DOK5: variants seen among roughly 807,000 people sequenced by gnomAD.
DOK5 encodes the protein downstream of tyrosine kinase 5.
A neutral mutation model predicts 43.3 loss-of-function variants in DOK5; 27 were observed. The observed-to-expected ratio is 0.62, with a 90% CI of 0.46 to 0.86. DOK5 has a LOEUF of 0.86. Ranked by LOEUF, DOK5 falls within the 40% of genes least tolerant of loss-of-function variation. The probability of loss-of-function intolerance (pLI) is 0.00; values close to 1 mark genes in which losing one functional copy is unlikely to be tolerated. For missense variants in DOK5, 373 were observed against 392.9 expected (o/e 0.95, Z 0.43); for synonymous variants, 146 against 140.1 (o/e 1.04, Z -0.30).
At chr20:54,539,428 G>T (rs1323754047) in intron 1 of DOK5, among the ~76,000 whole-genome samples, 1 of 151,692 alleles carries the variant, frequency 6.6e-6, no homozygotes, top group Non-Finnish European at 1.5e-5. Context: ...CTGTATCAAT[G>T]TCTGTATCCT....
At chr20:54,644,319 A>C (rs2146831647) in intron 7 of DOK5, among the ~76,000 whole-genome samples, 1 of 150,738 alleles carries the variant, frequency 6.6e-6, no homozygotes, top group African/African-American at 2.4e-5. Flanking sequence ...CGCCTGTAAT[A>C]TCAGCACTTT....
At chr20:54,504,087 C>T (rs1367805407) in intron 1 of DOK5, among the ~76,000 whole-genome samples, 1 of 152,164 alleles carries the variant, frequency 6.6e-6, no homozygotes, top group Non-Finnish European at 1.5e-5. Context: ...GTAGTGTGCA[C>T]TGCCCTGAGC....
chr20:54,641,976 C>G (rs1255781482), intron 6 of DOK5, among the ~76,000 whole-genome samples: 1 of 152,066 alleles, frequency 6.6e-6, no homozygotes, highest in Non-Finnish European at 1.5e-5. Context: ...TTCAAGCATC[C>G]AGGAAATTCA....
intron 6 of DOK5, among the ~76,000 whole-genome samples, chr20:54,634,309 G>T (rs951736508): frequency 6.8e-6 from 1 of 147,866 alleles, no homozygotes; most frequent in Non-Finnish European, 1.5e-5. Context: ...TGACAATAAT[G>T]ACGGCAGGGT....
chr20:54,533,631 T>C (rs150454877), intron 1 of DOK5, among the ~76,000 whole-genome samples: 1 of 152,304 alleles, frequency 6.6e-6, no homozygotes, highest in African/African-American at 2.4e-5. Flanking sequence ...CATTAACAGA[T>C]GGAAAAACTG....
chr20:54,478,158 T>G (rs1291831439), intron 1 of DOK5, among the ~76,000 whole-genome samples: 1 of 152,218 alleles, frequency 6.6e-6, no homozygotes, highest in Non-Finnish European at 1.5e-5. Flanking sequence ...GTCTTATTTG[T>G]TAGCATTGGT....
At chr20:54,480,159 G>A (rs144112676) in intron 1 of DOK5, among the ~76,000 whole-genome samples, 166 of 152,262 alleles carry the variant, frequency 1.1e-3, no homozygotes, top group African/African-American at 3.9e-3. Context: ...TGTCAGAGGC[G>A]TGTGAACCAG....
chr20:54,571,977 G>A (rs541620739), intron 2 of DOK5, among the ~76,000 whole-genome samples: 23 of 152,054 alleles, frequency 1.5e-4, no homozygotes, highest in Non-Finnish European at 2.4e-4. Context: ...TCATAAACCC[G>A]TGCTCATCCT....
chr20:54,568,302 C>T (rs1447774687), intron 2 of DOK5, among the ~76,000 whole-genome samples: 1 of 152,176 alleles, frequency 6.6e-6, no homozygotes, highest in East Asian at 1.9e-4. Flanking sequence ...TTCTTAATAG[C>T]GTATACCTCT....
chr20:54,501,770 T>C (rs1033947582), intron 1 of DOK5, among the ~76,000 whole-genome samples: 1 of 152,212 alleles, frequency 6.6e-6, no homozygotes, highest in Non-Finnish European at 1.5e-5. Flanking sequence ...TAAATATGAC[T>C]TAGCAATGGT....
At chr20:54,507,767 T>A (rs1982863447) in intron 1 of DOK5, among the ~76,000 whole-genome samples, 1 of 152,146 alleles carries the variant, frequency 6.6e-6, no homozygotes, top group South Asian at 2.1e-4. Flanking sequence ...GGGCTTCTTA[T>A]GATAATTAAA....
intron 2 of DOK5, among the ~76,000 whole-genome samples, chr20:54,571,437 G>C (rs1191765636): frequency 6.6e-6 from 1 of 152,158 alleles, no homozygotes; most frequent in East Asian, 1.9e-4. Flanking sequence ...ATAGTTGTAT[G>C]AGGCAGCTGC....
At position 54,475,710 on chromosome 20, in the gene DOK5, C is replaced by T. The variant is rs1400470839; in HGVS notation, c.-237C>T. ...TGACGCCGGCGCTCCAGCCTCGCCT[C>T]CCCGCGCCGCGCTCTGCGCTCCCCG... On this transcript the variant is annotated 5_prime_UTR_variant, in exon 1 of 8. Coordinates refer to ENST00000262593, the MANE Select transcript of DOK5 (RefSeq NM_018431.5). The surrounding 1 kb of genome is among the most constrained non-coding windows in gnomAD (Gnocchi z 4.2). 3.4e-6 allele frequency: 2 copies of T among 581,800 alleles called. No individual in the cohort carries two copies. Among genetic ancestry groups the T allele is most frequent in the East Asian group, 3.1e-5 (1 of 32,762 alleles). The allele number at this position is 581,800 out of a possible 1,614,324, so 36.0% of individuals were successfully genotyped here.
At chr20:54,604,331 T>G (rs912570993) in intron 5 of DOK5, among the ~76,000 whole-genome samples, 1 of 151,954 alleles carries the variant, frequency 6.6e-6, no homozygotes, top group East Asian at 1.9e-4. Flanking sequence ...TAATTTTATA[T>G]CCCTCTCTGT....
chr20:54,578,797 A>C (rs1985537490), intron 2 of DOK5, among the ~76,000 whole-genome samples: 1 of 152,212 alleles, frequency 6.6e-6, no homozygotes, highest in Admixed American at 6.5e-5. Context: ...TGGAGCTTGA[A>C]ATGCTTTATT....
At chr20:54,618,085 G>T (rs150203319) in intron 6 of DOK5, among the ~76,000 whole-genome samples, 1 of 152,272 alleles carries the variant, frequency 6.6e-6, no homozygotes, top group African/African-American at 2.4e-5. Flanking sequence ...TGCTCCTACA[G>T]GGCTTACAAT....
chr20:54,579,654 G>A (rs950142913), intron 2 of DOK5, among the ~76,000 whole-genome samples: 1 of 152,096 alleles, frequency 6.6e-6, no homozygotes, highest in African/African-American at 2.4e-5. Flanking sequence ...TAACCATGCA[G>A]TATTTGTCCT....
chr20:54,588,866 A>G (rs1002185419), intron 4 of DOK5, 60 bp downstream of exon 4: 4 of 1,564,892 alleles, frequency 2.6e-6, no homozygotes, highest in Non-Finnish European at 3.5e-6. Flanking sequence ...CATATGATAA[A>G]ACATAAGACA....
intron 1 of DOK5, among the ~76,000 whole-genome samples, chr20:54,508,388 C>A (rs73142933): frequency 6.7e-6 from 1 of 149,988 alleles, no homozygotes; most frequent in African/African-American, 2.5e-5. Context: ...CTGTTCCAGG[C>A]AGACAGAATT....
Sources: allele counts gnomAD v4.1 joint callset (sites outside exome capture counted in the v4.1 genomes callset), GRCh38; gene constraint gnomAD v4.1.1; non-coding constraint Gnocchi (gnomAD v3.1); transcripts MANE v1.5; gene names NCBI Gene and HGNC (gene_info 2026-07-23, HGNC 2026-07-21).